The following AMOTL1 variants were observed in gnomAD, a reference collection of about 807,000 sequenced individuals.
AMOTL1 encodes angiomotin like 1, also known as angiomotin-like protein 1.
In AMOTL1, 45 loss-of-function variants were observed where a neutral mutation model predicts 102.9. The observed-to-expected ratio is 0.44, with a 90% CI of 0.34 to 0.56. The LOEUF is 0.56. AMOTL1 is among the 20% of genes least tolerant of loss of function. AMOTL1 has a pLI of 0.01. For synonymous variants in AMOTL1, 481 were observed against 484.7 expected (o/e 0.99, Z 0.10); for missense variants, 1,114 against 1,225.6 (o/e 0.91, Z 1.36).
intron 10 of AMOTL1, among the ~76,000 whole-genome samples, chr11:94,865,598 T>G (rs1952864664): frequency 6.6e-6 from 1 of 152,206 alleles, no homozygotes; most frequent in Non-Finnish European, 1.5e-5. Context: ...TTAGAGTTTT[T>G]ATGCTTCCCT....
At chr11:94,772,573 A>G (rs1366290477) in intron 1 of AMOTL1, among the ~76,000 whole-genome samples, 3 of 152,220 alleles carry the variant, frequency 2.0e-5, no homozygotes, top group African/African-American at 7.2e-5. Flanking sequence ...TTCATTGCTG[A>G]GTAGTATTCC....
chr11:94,754,777 G>A (rs1240545037), intron 3 of AMOTL1, among the ~76,000 whole-genome samples: 1 of 152,142 alleles, frequency 6.6e-6, no homozygotes, highest in Non-Finnish European at 1.5e-5. Flanking sequence ...AAACACAGGA[G>A]ACCCAGTCAA....
At chr11:94,869,621 G>A in intron 12 of AMOTL1, 148 bp downstream of exon 12, 1 of 934,348 alleles carries the variant, frequency 1.1e-6, no homozygotes, top group Non-Finnish European at 1.6e-6. Context: ...GGATATGTGT[G>A]CCCTTTCTTA....
Position 94,800,062 on chromosome 11 carries a change from G to A in AMOTL1, c.872G>A (p.Gly291Glu), listed in dbSNP as rs1446427982. ...GGGAATGGAAAGGGCTTCAAAGTAGGAGGGGGGCCCTCCCCTGCCCAGCCT... is the reference window on the plus strand; with the variant it reads ...GGGAATGGAAAGGGCTTCAAAGTAGAAGGGGGGCCCTCCCCTGCCCAGCCT... ...GSGNGKGFKV[G>E]GGPSPAQPAG... The change falls in exon 3 of 13, where the codon GGA (glycine) becomes GAA (glutamate). Residue 291 changes from glycine to glutamate, a missense_variant. Physicochemically the swap from Gly to Glu is moderately conservative, Grantham distance 98. Coordinates refer to ENST00000433060, the MANE Select transcript of AMOTL1 (RefSeq NM_130847.3). The A allele has an allele frequency of 3.1e-6, 5 of 1,614,022 alleles. No homozygotes were observed. The highest frequency in any genetic ancestry group is 4.2e-6 in the Non-Finnish European group (5 of 1,179,880).
chr11:94,856,366 C>T (rs747208360), intron 8 of AMOTL1, among the ~76,000 whole-genome samples: 8 of 151,988 alleles, frequency 5.3e-5, no homozygotes, highest in Non-Finnish European at 1.0e-4. Flanking sequence ...CCACTGGAAA[C>T]ATCTTGAGTT....
rs1952943240 is a variant in AMOTL1, at chr11:94,869,206, C to T, written c.2497C>T (p.Leu833=). 1 of 1,592,646 alleles carries T rather than the reference C, an allele frequency of 6.3e-7. No individual in the cohort carries two copies. The highest frequency in any genetic ancestry group is 8.6e-7 in the Non-Finnish European group (1 of 1,164,024). ...CTGTTCTCTGCCCTCAGGATTGCTG[C>T]TGGGGAAGGAGCACCATGAGCATGC... is the stretch of plus-strand genomic sequence containing the variant. ...KTWKGSIGLL[L]GKEHHEHASA... is the part of the protein sequence containing the mutation. Residue 833 remains leucine (L), a synonymous_variant, in exon 12 of 13, where the codon CTG becomes TTG. Coordinates refer to ENST00000433060, the MANE Select transcript of AMOTL1 (RefSeq NM_130847.3).
At chr11:94,716,335 C>T (rs1950098674) in intron 1 of AMOTL1, among the ~76,000 whole-genome samples, 1 of 152,102 alleles carries the variant, frequency 6.6e-6, no homozygotes, top group South Asian at 2.1e-4. Context: ...ATCTGAGTCT[C>T]TTCAAAGTTG....
intron 2 of AMOTL1, among the ~76,000 whole-genome samples, chr11:94,731,263 T>G (rs758509247): frequency 9.2e-5 from 14 of 152,220 alleles, no homozygotes; most frequent in Non-Finnish European, 1.8e-4. Flanking sequence ...CCTGCAAATA[T>G]GAAGGCATCC....
intron 1 of AMOTL1, among the ~76,000 whole-genome samples, chr11:94,715,155 C>T (rs1177257172): frequency 6.6e-6 from 1 of 152,112 alleles, no homozygotes; most frequent in African/African-American, 2.4e-5. Context: ...CATTTAACTT[C>T]CATGTGCCTA....
chr11:94,797,661 A>G (rs928572810), intron 2 of AMOTL1, among the ~76,000 whole-genome samples: 2 of 152,234 alleles, frequency 1.3e-5, no homozygotes, highest in Non-Finnish European at 2.9e-5. Flanking sequence ...CACTTGTCCA[A>G]TAATTTTCCC....
chr11:94,805,791 G>GACAT (rs1951558254), intron 3 of AMOTL1, among the ~76,000 whole-genome samples: 1 of 152,162 alleles, frequency 6.6e-6, no homozygotes, highest in Admixed American at 6.5e-5. Flanking sequence ...AGCATGACAT[G>GACAT]GTAGTGTTTG....
At chr11:94,850,068 T>A (rs1190226019) in intron 6 of AMOTL1, 46 bp from the exon 7 acceptor site, 2 of 1,548,522 alleles carry the variant, frequency 1.3e-6, no homozygotes, top group Non-Finnish European at 1.7e-6. Context: ...GCCCAGAGGG[T>A]GTGCAATTTC....
chr11:94,852,735 A>G (rs1430047685), intron 7 of AMOTL1, among the ~76,000 whole-genome samples: 1 of 152,164 alleles, frequency 6.6e-6, no homozygotes, highest in Non-Finnish European at 1.5e-5. Context: ...TGCACTTCCC[A>G]TCTCTTCAAG....
intron 3 of AMOTL1, among the ~76,000 whole-genome samples, chr11:94,743,644 A>G (rs1047921246): frequency 8.4e-6 from 1 of 119,524 alleles, no homozygotes; most frequent in Non-Finnish European, 1.7e-5. Context: ...CTCTACTCAC[A>G]ATACTTCTTT....
At chr11:94,851,352 A>G (rs779543191) in intron 7 of AMOTL1, among the ~76,000 whole-genome samples, 3 of 152,242 alleles carry the variant, frequency 2.0e-5, no homozygotes, top group Admixed American at 6.5e-5. Flanking sequence ...TATTAAAGTA[A>G]AAATTAGTTG....
chr11:94,778,999 G>T (rs1374200440), intron 1 of AMOTL1, among the ~76,000 whole-genome samples: 1 of 152,028 alleles, frequency 6.6e-6, no homozygotes, highest in Non-Finnish European at 1.5e-5. Context: ...GTCACGTAGG[G>T]TTACTCCTCT....
At chr11:94,866,477 G>A (rs772750195) in intron 11 of AMOTL1, 3 of 365,866 alleles carry the variant, frequency 8.2e-6, no homozygotes, top group Admixed American at 4.1e-5. Context: ...GAGACATCAC[G>A]CCTCTGAACT....
Position 94,750,205 on chromosome 11 carries a change from G to A in AMOTL1, c.136+9217G>A, listed in dbSNP as rs375747641. On this transcript the variant is annotated intron_variant, in intron 3 of 4. Transcript: ENST00000299004. ...AGTTTTATGGTCCAGGAATCCTTAG[G>A]TGGTGCTTATTTGCATGCACAGAGT... Among the ~76,000 whole-genome samples the A allele has an allele frequency of 1.7e-4, 26 of 152,286 alleles. 1 individual carries two copies. The highest frequency in any genetic ancestry group is 5.1e-4 in the African/African-American group (21 of 41,548).
chr11:94,824,340 T>C (rs1951923892), intron 4 of AMOTL1, among the ~76,000 whole-genome samples: 1 of 152,226 alleles, frequency 6.6e-6, no homozygotes, highest in African/African-American at 2.4e-5. Context: ...AATGATGTTA[T>C]TTGGGGGCCT....
Sources: gnomAD v4.1 joint callset for allele counts (sites outside exome capture counted in the v4.1 genomes callset) on GRCh38, gnomAD v4.1.1 for gene constraint, MANE v1.5 for transcripts, NCBI Gene and HGNC (gene_info 2026-07-23, HGNC 2026-07-21) for gene names.